The following LNPEP variants were observed in gnomAD, a reference collection of about 807,000 sequenced individuals.
The protein encoded by LNPEP is leucyl and cystinyl aminopeptidase.
LNPEP carries 64 observed loss-of-function variants against 120.6 expected under a neutral mutation model. The observed-to-expected ratio is 0.53, with a 90% CI of 0.43 to 0.65. The LOEUF (loss-of-function observed/expected upper bound fraction) is 0.65, where lower values mean the gene tolerates loss of function less well. LNPEP is among the 30% of genes least tolerant of loss of function. LNPEP has a pLI of 0.00. For synonymous variants in LNPEP, 435 were observed against 425.4 expected (o/e 1.02, Z -0.28); for missense variants, 1,057 against 1,200.0 (o/e 0.88, Z 1.76).
At chr5:96,943,137 C>G (rs1789100010) in intron 1 of LNPEP, 1 of 503,000 alleles carries the variant, frequency 2.0e-6, no homozygotes, top group Non-Finnish European at 3.0e-6. Context: ...CAGATTACTT[C>G]CATCATTATT....
rs533400288 is a variant in LNPEP, at chr5:96,952,394, C to T, written c.19+16220C>T. ...AAATAGTTTTGACTCTGAAGGCCTCCTGCAAGGGTATCAGGGATTTCTAGG... is the reference window on the plus strand; with the variant it reads ...AAATAGTTTTGACTCTGAAGGCCTCTTGCAAGGGTATCAGGGATTTCTAGG... On this transcript the variant is annotated intron_variant, in intron 1 of 17. Coordinates refer to ENST00000231368, the MANE Select transcript of LNPEP (RefSeq NM_005575.3). 2.6e-5 allele frequency among the ~76,000 whole-genome samples: 4 copies of T among 152,272 alleles called. No individual in the cohort carries two copies. In the South Asian group the frequency reaches 8.3e-4, roughly 32 times the overall value.
chr5:96,962,618 T>G (rs1789630218), intron 1 of LNPEP: 1 of 150,462 alleles, frequency 6.6e-6, no homozygotes, highest in Non-Finnish European at 1.5e-5. Flanking sequence ...AGAGATACCC[T>G]TTTTTCTTTT....
chr5:96,956,376 C>G (rs1034588195), intron 1 of LNPEP, among the ~76,000 whole-genome samples: 1 of 152,072 alleles, frequency 6.6e-6, no homozygotes, highest in South Asian at 2.1e-4. Context: ...AAATTAGCCA[C>G]GTGTAGTGGC....
intron 4 of LNPEP, among the ~76,000 whole-genome samples, chr5:96,988,343 T>TC (rs1790291639): frequency 6.8e-6 from 1 of 146,348 alleles, no homozygotes; most frequent in South Asian, 2.2e-4. Flanking sequence ...TCTTTTCTTT[T>TC]TTTTTTTTTT....
chr5:97,009,167 C>T (rs1790865451), intron 11 of LNPEP, among the ~76,000 whole-genome samples: 1 of 152,162 alleles, frequency 6.6e-6, no homozygotes, highest in Admixed American at 6.5e-5. Flanking sequence ...TAAGGAACAC[C>T]CTTGCCTCCT....
At chr5:96,973,926 G>A (rs916966440) in intron 1 of LNPEP, among the ~76,000 whole-genome samples, 9 of 152,146 alleles carry the variant, frequency 5.9e-5, no homozygotes, top group East Asian at 1.9e-4. Flanking sequence ...CTCTCTTGCC[G>A]GTAGCCTCTA....
intron 1 of LNPEP, among the ~76,000 whole-genome samples, chr5:96,957,177 T>C (rs143545208): frequency 6.6e-6 from 1 of 152,210 alleles, no homozygotes; most frequent in African/African-American, 2.4e-5. Flanking sequence ...CAAGTAGTTG[T>C]GGCTTGCATC....
rs139448841 is a variant in LNPEP at position 96,965,885 on chromosome 5, A to G, written c.20-13253A>G. Among the ~76,000 whole-genome samples, 1,019 of 152,208 alleles carry G rather than the reference A, an allele frequency of 6.7e-3. 36 individuals are homozygous for G. The East Asian group carries it at 0.089, about 13-fold the overall frequency. On this transcript the variant is annotated intron_variant, in intron 1 of 17. Coordinates refer to ENST00000231368, the MANE Select transcript of LNPEP (RefSeq NM_005575.3). The stretch of plus-strand genomic sequence containing the variant: ...ATTTTTTTAGGTTTTAGATTTTATG[A>G]TTAAGATTTGTATTATATTATAGTT...
chr5:97,021,293 G>A (rs1194446257), intron 13 of LNPEP, among the ~76,000 whole-genome samples: 1 of 152,180 alleles, frequency 6.6e-6, no homozygotes, highest in Non-Finnish European at 1.5e-5. Flanking sequence ...AAGTGTCAGA[G>A]TGTTAAAAAA....
At chr5:96,939,171 G>C (rs937582258) in intron 1 of LNPEP, among the ~76,000 whole-genome samples, 1 of 151,466 alleles carries the variant, frequency 6.6e-6, no homozygotes, top group Non-Finnish European at 1.5e-5. Flanking sequence ...TGATTAAGGA[G>C]GTCTGATTAT....
At chr5:96,939,697 AAAT>A (rs958333949) in intron 1 of LNPEP, among the ~76,000 whole-genome samples, 13 of 152,128 alleles carry the variant, frequency 8.5e-5, no homozygotes, top group African/African-American at 2.9e-4. Flanking sequence ...TTGTCTTAAA[AAAT>A]TATTTTTGCT....
At chr5:96,951,167 T>C (rs535293188) in intron 1 of LNPEP, among the ~76,000 whole-genome samples, 28 of 152,042 alleles carry the variant, frequency 1.8e-4, no homozygotes, top group African/African-American at 6.5e-4. Flanking sequence ...GGATTAGGGC[T>C]CTACCCTTAT....
chr5:97,012,071 C>G (rs27660), intron 11 of LNPEP, among the ~76,000 whole-genome samples: 101,409 of 151,960 alleles, frequency 0.67, 34,398 homozygotes, highest in African/African-American at 0.79. Flanking sequence ...ATATAAAAAA[C>G]CTTCACTACA....
At chr5:97,021,918 C>CT (rs1561455270) in intron 13 of LNPEP, among the ~76,000 whole-genome samples, 7 of 50,002 alleles carry the variant, frequency 1.4e-4, no homozygotes, top group African/African-American at 4.0e-4. Context: ...TGTTTTTTGT[C>CT]TTTTGTTTTT....
At position 97,037,263 on chromosome 5, in the gene LNPEP, T is replaced by G. The variant is rs1791585993; in HGVS notation, c.*8730T>G. 1 of 152,292 alleles carries G rather than the reference T, an allele frequency of 6.6e-6. No homozygotes were observed. The highest frequency in any genetic ancestry group is 6.5e-5 in the Admixed American group (1 of 15,282). 9.4% of individuals were successfully genotyped at this position (152,292 alleles called of 1,614,324 possible). On this transcript the variant is annotated 3_prime_UTR_variant, in exon 18 of 18. Transcript: ENST00000231368. ...ACACCTATAGAGATCTTCAATTCCT[T>G]GAGTCTGAGCTTGTGGGTGGAATTC...
intron 4 of LNPEP, among the ~76,000 whole-genome samples, chr5:96,990,729 C>T (rs1790370095): frequency 6.6e-6 from 1 of 152,150 alleles, no homozygotes. Context: ...TGAACCCCAG[C>T]ACTGTAAATA....
At chr5:96,957,817 G>A (rs1204510031) in intron 1 of LNPEP, among the ~76,000 whole-genome samples, 2 of 152,210 alleles carry the variant, frequency 1.3e-5, no homozygotes, top group African/African-American at 4.8e-5. Context: ...CGTCAAGCTT[G>A]AGGTTAATTT....
intron 4 of LNPEP, among the ~76,000 whole-genome samples, chr5:96,989,676 T>C (rs904527958): frequency 2.6e-5 from 4 of 151,944 alleles, no homozygotes; most frequent in African/African-American, 9.7e-5. Flanking sequence ...CAGAATGCTG[T>C]TCAAGACTTT....
intron 1 of LNPEP, among the ~76,000 whole-genome samples, chr5:96,943,792 CTT>C (rs1270137172): frequency 1.3e-5 from 2 of 152,162 alleles, no homozygotes; most frequent in African/African-American, 2.4e-5. Context: ...TTGTAGGAGA[CTT>C]TTTGAAATTC....
Sources: allele counts gnomAD v4.1 joint callset (sites outside exome capture counted in the v4.1 genomes callset), GRCh38; gene constraint gnomAD v4.1.1; transcripts MANE v1.5; gene names NCBI Gene and HGNC (gene_info 2026-07-23, HGNC 2026-07-21).